POLR1D: variants seen among roughly 807,000 people sequenced by gnomAD.
The protein encoded by POLR1D is RNA polymerase I and III subunit D.
In POLR1D, 8 loss-of-function variants were observed where a neutral mutation model predicts 10.8. That is an observed-to-expected ratio of 0.74 (90% confidence interval 0.43 to 1.33). The LOEUF is 1.33. Ranked by LOEUF, POLR1D falls within the 40% of genes most tolerant of loss-of-function variation. The pLI is 0.01. For missense variants in POLR1D, 152 were observed against 161.7 expected (o/e 0.94, Z 0.32); for synonymous variants, 54 against 57.2 (o/e 0.94, Z 0.25).
exon 3 of POLR1D, chr13:27,666,021 G>T: frequency 2.8e-6 from 4 of 1,422,110 alleles, no homozygotes; most frequent in Non-Finnish European, 3.9e-6. Context: ...TGCGGAGAAG[G>T]CCTGAGCTGG....
chr13:27,622,079 G>T, intron 1 of POLR1D, 70 bp downstream of exon 1: 2 of 1,348,220 alleles, frequency 1.5e-6, no homozygotes, highest in Non-Finnish European at 1.0e-6. Context: ...GGGGCACGCT[G>T]CCTGGCCTGG....
rs116284906 is a variant in POLR1D at position 27,643,742 on chromosome 13, A to T, written c.27-4637A>T. On this transcript the variant is annotated intron_variant, in intron 1 of 2. Transcript: ENST00000399697. ...CCATAGTAAGGTTTCTTTTACACGT[A>T]TGTGGACGACTCCACAAGTATAAAC... Among the ~76,000 whole-genome samples the T allele has an allele frequency of 1.8e-3, 271 of 152,296 alleles. 1 individual carries two copies. The highest frequency in any genetic ancestry group is 6.3e-3 in the African/African-American group (263 of 41,556).
chr13:27,637,114 C>T (rs1468445142), intron 1 of POLR1D, among the ~76,000 whole-genome samples: 1 of 151,940 alleles, frequency 6.6e-6, no homozygotes, highest in East Asian at 1.9e-4. Context: ...TTTCTGATGC[C>T]AGAATCATCG....
At chr13:27,631,254 G>A (rs1956070401) in intron 1 of POLR1D, among the ~76,000 whole-genome samples, 2 of 152,196 alleles carry the variant, frequency 1.3e-5, no homozygotes, top group East Asian at 1.9e-4. Context: ...GATTGCATGG[G>A]AGACGATTTG....
downstream of POLR1D, among the ~76,000 whole-genome samples, chr13:27,626,227 A>C (rs1299684670): frequency 6.6e-6 from 1 of 152,262 alleles, no homozygotes; most frequent in Non-Finnish European, 1.5e-5. Flanking sequence ...CTCTAAACCA[A>C]GGCCTGTCAG....
At chr13:27,664,623 A>G (rs9507916) in intron 2 of POLR1D, 45,264 of 152,088 alleles carry the variant, frequency 0.3, 7,236 homozygotes, top group East Asian at 0.57. Context: ...GTTTTCTGAG[A>G]TGGTCTGACC....
chr13:27,629,442 A>G (rs1048125390), intron 1 of POLR1D, among the ~76,000 whole-genome samples: 3 of 152,318 alleles, frequency 2.0e-5, no homozygotes, highest in Admixed American at 1.3e-4. Context: ...CTCTCAATCA[A>G]TGTTAGCTAT....
chr13:27,642,283 T>A (rs1956181522), intron 1 of POLR1D, among the ~76,000 whole-genome samples: 1 of 152,170 alleles, frequency 6.6e-6, no homozygotes, highest in South Asian at 2.1e-4. Flanking sequence ...ACAGGAAATA[T>A]TCCAGCTCTG....
intron 2 of POLR1D, among the ~76,000 whole-genome samples, chr13:27,660,294 T>C (rs1189434147): frequency 6.6e-6 from 1 of 152,168 alleles, no homozygotes; most frequent in East Asian, 1.9e-4. Context: ...TCAGTCTTTC[T>C]AGATGCATTA....
chr13:27,648,371 C>T (rs1566149556), intron 1 of POLR1D: 1 of 1,586,446 alleles, frequency 6.3e-7, no homozygotes, highest in Non-Finnish European at 8.7e-7. Context: ...TTTCCTTTTT[C>T]TTATCAGGAA....
intron 2 of POLR1D, among the ~76,000 whole-genome samples, chr13:27,659,657 G>T (rs1297656468): frequency 6.6e-6 from 1 of 152,094 alleles, no homozygotes; most frequent in Admixed American, 6.5e-5. Flanking sequence ...GAATGAGAGA[G>T]CCCTGAATGT....
chr13:27,640,733 TTTTG>T (rs1433277212), intron 1 of POLR1D, among the ~76,000 whole-genome samples: 7 of 152,226 alleles, frequency 4.6e-5, no homozygotes. Flanking sequence ...TTATTTTACA[TTTTG>T]TTTTTTAATA....
upstream of POLR1D, chr13:27,621,627 G>A (rs1593273516): frequency 5.8e-6 from 1 of 171,934 alleles, no homozygotes; most frequent in East Asian, 1.6e-4. Context: ...ATCACCTGGG[G>A]AAAGGTACCA....
Position 27,663,724 on chromosome 13 carries a change from T to G in POLR1D, c.102-1962T>G, listed in dbSNP as rs1037045707. On this transcript the variant is annotated intron_variant, in intron 2 of 2. Transcript: ENST00000399697. The surrounding 1 kb of genome is among the most constrained non-coding windows in gnomAD (Gnocchi z 4.1). ...ACCATCACGTCTGGGAAAAGTACCCTTCCTTGTTGTTTAATGCAGAGAAGA... is the reference window on the plus strand; with the variant it reads ...ACCATCACGTCTGGGAAAAGTACCCGTCCTTGTTGTTTAATGCAGAGAAGA... 1.4e-5 allele frequency among the ~76,000 whole-genome samples: 2 copies of G among 147,432 alleles called. No individual in the cohort carries two copies. Among genetic ancestry groups the G allele is most frequent in the Non-Finnish European group, 3.0e-5 (2 of 66,404 alleles).
chr13:27,632,663 T>TA lies in POLR1D; in HGVS notation c.26+10655dup, dbSNP rs1491143636. Among the ~76,000 whole-genome samples, 5 of 80,912 alleles carry TA rather than the reference T, an allele frequency of 6.2e-5. No homozygotes were observed. The Admixed American group carries it at 6.5e-4, about 10-fold the overall frequency. 53.1% of individuals were successfully genotyped at this position (80,912 alleles called of 152,430 possible). A position where few individuals can be genotyped will look rare whatever the true frequency, so the allele number is the denominator to read the frequency against. On this transcript the variant is annotated intron_variant, in intron 1 of 2. Coordinates refer to the POLR1D transcript ENST00000399697. Reference sequence around the variant, plus strand: ...AGCACCCCCCGCCCCCCAGCACTCCTACCTTGTATTTTTTCTATAGCACTT... The same window carrying TA: ...AGCACCCCCCGCCCCCCAGCACTCCTAACCTTGTATTTTTTCTATAGCACTT...
At chr13:27,652,400 G>T (rs2138560816) in intron 2 of POLR1D, among the ~76,000 whole-genome samples, 1 of 152,318 alleles carries the variant, frequency 6.6e-6, no homozygotes, top group East Asian at 1.9e-4. Flanking sequence ...GTACTCTTTA[G>T]GAATAACACT....
intron 1 of POLR1D, among the ~76,000 whole-genome samples, chr13:27,634,383 C>G (rs1210103505): frequency 6.6e-6 from 1 of 152,102 alleles, no homozygotes; most frequent in East Asian, 1.9e-4. Context: ...AGTTGGTCCC[C>G]ATCGGAGAGC....
Position 27,648,314 on chromosome 13 carries a change from A to G in POLR1D, c.27-65A>G. The G allele has an allele frequency of 5.6e-6, 6 of 1,068,002 alleles. No individual in the cohort carries two copies. In the South Asian group the frequency reaches 7.8e-5, roughly 14 times the overall value. 66.2% of individuals were successfully genotyped at this position (1,068,002 alleles called of 1,614,324 possible). ...TCCTTTCCCAAGATCATGGACCTGG[A>G]ATGAATTGATTTTCAGAACTTAGTA... is the stretch of plus-strand genomic sequence containing the variant. On this transcript the variant is annotated intron_variant, in intron 1 of 2. Coordinates refer to the POLR1D transcript ENST00000399697.
chr13:27,648,295 C>T, intron 1 of POLR1D: 1 of 952,618 alleles, frequency 1.0e-6, no homozygotes, highest in Non-Finnish European at 1.7e-6. Context: ...TAGTTCCTTT[C>T]CCAAGATCAT....
Sources: allele counts gnomAD v4.1 joint callset (sites outside exome capture counted in the v4.1 genomes callset), GRCh38; gene constraint gnomAD v4.1.1; non-coding constraint Gnocchi (gnomAD v3.1); transcripts MANE v1.5; gene names NCBI Gene and HGNC (gene_info 2026-07-23, HGNC 2026-07-21).